SGSM1: variants seen among roughly 807,000 people sequenced by gnomAD.
SGSM1 encodes the protein RUN and TBC1 domain containing 2.
Under a neutral mutation model 133.8 loss-of-function variants are expected in SGSM1, and 73 were observed. That is an observed-to-expected ratio of 0.55 (90% CI 0.45 to 0.66). SGSM1 has a LOEUF of 0.66. Among genes scored for constraint, SGSM1 ranks in the 30% least tolerant of loss-of-function variants. The probability of loss-of-function intolerance (pLI) is 0.00; values close to 1 mark genes in which losing one functional copy is unlikely to be tolerated. For synonymous variants in SGSM1, 563 were observed against 573.0 expected (o/e 0.98, Z 0.25); for missense variants, 1,213 against 1,448.1 (o/e 0.84, Z 2.64).
At chr22:24,900,603 G>T (rs9624652) in intron 19 of SGSM1, among the ~76,000 whole-genome samples, 1 of 151,864 alleles carries the variant, frequency 6.6e-6, no homozygotes, top group Non-Finnish European at 1.5e-5. Context: ...CTCCATGTTG[G>T]TCAGGCTGGT....
chr22:24,879,592 G>A, intron 14 of SGSM1, 66 bp downstream of exon 14: 4 of 1,480,776 alleles, frequency 2.7e-6, no homozygotes, highest in Non-Finnish European at 3.7e-6. Context: ...CTGTATGCCA[G>A]CAATATCAAA....
intron 21 of SGSM1, 82 bp from the exon 22 acceptor site, chr22:24,912,561 A>G: frequency 1.1e-6 from 1 of 913,282 alleles, no homozygotes; most frequent in South Asian, 1.5e-5. Context: ...TCATATTTCA[A>G]CATGAGATTT....
At position 24,920,367 on chromosome 22, in the gene SGSM1, C is replaced by T. The variant is rs1169015144; in HGVS notation, c.3193+374C>T. ...GTTGACATGCATAGGAAAAGCAGGC[C>T]CAGGGCAGCAATTTGAGTAACACGA... On this transcript the variant is annotated intron_variant, in intron 24 of 24. Transcript: ENST00000400358. Among the ~76,000 whole-genome samples the T allele has an allele frequency of 2.0e-5, 3 of 152,122 alleles. No homozygotes were observed. In the East Asian group the frequency reaches 5.8e-4, roughly 29 times the overall value.
At chr22:24,871,912 G>A (rs987749622) in intron 12 of SGSM1, among the ~76,000 whole-genome samples, 1 of 152,200 alleles carries the variant, frequency 6.6e-6, no homozygotes, top group African/African-American at 2.4e-5. Context: ...GAGATAAGAA[G>A]TTCTTTCTGA....
intron 24 of SGSM1, among the ~76,000 whole-genome samples, chr22:24,921,384 G>A (rs1934002259): frequency 6.6e-6 from 1 of 152,166 alleles, no homozygotes; most frequent in African/African-American, 2.4e-5. Flanking sequence ...ATAGGTGTGA[G>A]CCACTGTGCC....
chr22:24,847,093 A>G (rs562653667), intron 3 of SGSM1, among the ~76,000 whole-genome samples: 419 of 152,220 alleles, frequency 2.8e-3, no homozygotes, highest in Non-Finnish European at 4.9e-3. Context: ...AGCACCCAGC[A>G]TGTCCCAGAT....
intron 5 of SGSM1, among the ~76,000 whole-genome samples, chr22:24,852,864 A>G (rs1279620420): frequency 6.6e-6 from 1 of 152,134 alleles, no homozygotes; most frequent in Admixed American, 6.5e-5. Flanking sequence ...AAGTGTTTTG[A>G]TGTATTATCT....
chr22:24,828,146 A>T (rs1281041301), intron 2 of SGSM1, among the ~76,000 whole-genome samples: 2 of 151,980 alleles, frequency 1.3e-5, no homozygotes, highest in Non-Finnish European at 2.9e-5. Context: ...ATCCCTTCTC[A>T]TGGGTTTCCT....
At chr22:24,913,846 C>A (rs1048493769) in intron 22 of SGSM1, among the ~76,000 whole-genome samples, 2 of 150,912 alleles carry the variant, frequency 1.3e-5, no homozygotes, top group African/African-American at 4.9e-5. Context: ...ATGGTGAAAC[C>A]CCATCTCTAA....
chr22:24,827,552 G>A (rs376397464), intron 2 of SGSM1, among the ~76,000 whole-genome samples: 2 of 152,014 alleles, frequency 1.3e-5, no homozygotes, highest in Non-Finnish European at 2.9e-5. Context: ...AGGGAAGGCG[G>A]CACTGAGCTG....
intron 12 of SGSM1, among the ~76,000 whole-genome samples, chr22:24,874,136 A>G (rs1269586533): frequency 6.6e-6 from 1 of 152,206 alleles, no homozygotes; most frequent in Non-Finnish European, 1.5e-5. Context: ...GCAAAATAGA[A>G]GAGGGAGGAT....
chr22:24,871,906 TAAG>T (rs1331615916), intron 12 of SGSM1, among the ~76,000 whole-genome samples: 6 of 152,218 alleles, frequency 3.9e-5, no homozygotes, highest in African/African-American at 9.6e-5. Context: ...CTGTAAGAGA[TAAG>T]AAGTTCTTTC....
intron 20 of SGSM1, 32 bp downstream of exon 20, chr22:24,901,989 TGGGGATGGTGGGTGGGTGGGATG>T: frequency 3.8e-5 from 2 of 53,176 alleles, no homozygotes; most frequent in Non-Finnish European, 4.1e-5. Flanking sequence ...ATCTAGGGGA[TGGGGATGGTGGGTGGGTGGGATG>T]GGGGATGTAG....
rs910985103 is a variant in SGSM1, at chr22:24,876,465, C to T, written c.1292-112C>T. On this transcript the variant is annotated intron_variant, in intron 12 of 24. Coordinates refer to ENST00000400358, the MANE Select transcript of SGSM1 (RefSeq NM_001098497.3). ...CTACTGTCATCTTCAGGGTCTTTTC[C>T]TATCTCTGTGCTGGCTGGGGCGGGT... 3 of 1,384,576 alleles carry T rather than the reference C, an allele frequency of 2.2e-6. No homozygotes were observed. In the Admixed American group the frequency reaches 5.6e-5, roughly 26 times the overall value. 85.8% of individuals were successfully genotyped at this position (1,384,576 alleles called of 1,614,324 possible).
intron 22 of SGSM1, among the ~76,000 whole-genome samples, chr22:24,915,154 G>A (rs1241517128): frequency 6.6e-6 from 1 of 152,174 alleles, no homozygotes; most frequent in Non-Finnish European, 1.5e-5. Flanking sequence ...GTGTGAACCC[G>A]GGAGGCGGAG....
chr22:24,896,382 C>T (rs1311966490), intron 18 of SGSM1, among the ~76,000 whole-genome samples: 2 of 151,992 alleles, frequency 1.3e-5, no homozygotes, highest in African/African-American at 4.8e-5. Flanking sequence ...ATGAAACTAA[C>T]CATAAATCAA....
intron 2 of SGSM1, among the ~76,000 whole-genome samples, chr22:24,822,687 C>T (rs1928552821): frequency 6.6e-6 from 1 of 152,194 alleles, no homozygotes; most frequent in Admixed American, 6.5e-5. Context: ...CCACCGTCCC[C>T]TGGCTCTGGG....
At chr22:24,923,630 A>AT (rs986104666) in intron 24 of SGSM1, among the ~76,000 whole-genome samples, 25 of 149,074 alleles carry the variant, frequency 1.7e-4, no homozygotes, top group East Asian at 1.4e-3. Flanking sequence ...TTTTATTTTT[A>AT]TTTTTTTTTG....
At chr22:24,886,007 A>G (rs573705742) in intron 15 of SGSM1, among the ~76,000 whole-genome samples, 1 of 152,378 alleles carries the variant, frequency 6.6e-6, no homozygotes, top group African/African-American at 2.4e-5. Flanking sequence ...GTAGATCATA[A>G]TGATACAGTT....
Sources: gnomAD v4.1 joint callset for allele counts (sites outside exome capture counted in the v4.1 genomes callset) on GRCh38, gnomAD v4.1.1 for gene constraint, MANE v1.5 for transcripts, NCBI Gene and HGNC (gene_info 2026-07-23, HGNC 2026-07-21) for gene names.